The following SLC35D2 variants were observed in gnomAD, a reference collection of about 807,000 sequenced individuals.
SLC35D2 encodes solute carrier family 35 member D2, also known as nucleotide sugar transporter SLC35D2.
Under a neutral mutation model 41.8 loss-of-function variants are expected in SLC35D2, and 43 were observed. The observed-to-expected ratio is 1.03, with a 90% CI of 0.81 to 1.33. SLC35D2 has a LOEUF of 1.33. Among genes scored for constraint, SLC35D2 ranks in the 40% most tolerant of loss-of-function variants. The probability of loss-of-function intolerance (pLI) is 0.00; values close to 1 mark genes in which losing one functional copy is unlikely to be tolerated. For synonymous variants in SLC35D2, 150 were observed against 163.9 expected (o/e 0.92, Z 0.65); for missense variants, 380 against 408.4 (o/e 0.93, Z 0.60).
At chr9:96,370,372 C>A (rs571643414) in intron 1 of SLC35D2, among the ~76,000 whole-genome samples, 1 of 152,136 alleles carries the variant, frequency 6.6e-6, no homozygotes, top group Non-Finnish European at 1.5e-5. Context: ...AAAAGGGTCA[C>A]CCGGCTAGGA....
At chr9:96,350,347 CTTTTTTTTTT>C (rs57531044) in intron 6 of SLC35D2, among the ~76,000 whole-genome samples, 3 of 91,008 alleles carry the variant, frequency 3.3e-5, no homozygotes, top group Admixed American at 1.1e-4. Flanking sequence ...ATTTTCTTTC[CTTTTTTTTTT>C]TTTTTTTTTT....
intron 10 of SLC35D2, 40 bp downstream of exon 10, chr9:96,324,051 C>G: frequency 6.4e-7 from 1 of 1,553,102 alleles, no homozygotes; most frequent in Non-Finnish European, 8.9e-7. Flanking sequence ...ATTTCCATTC[C>G]TTGACTCAGT....
chr9:96,319,765 G>A (rs140559000), downstream of SLC35D2, among the ~76,000 whole-genome samples: 1,036 of 152,300 alleles, frequency 6.8e-3, 16 homozygotes, highest in African/African-American at 0.023. Context: ...CTCCCAAAGT[G>A]TTGGGATTAC....
chr9:96,328,778 A>G (rs1464199835), intron 9 of SLC35D2, among the ~76,000 whole-genome samples: 1 of 152,120 alleles, frequency 6.6e-6, no homozygotes, highest in East Asian at 1.9e-4. Flanking sequence ...TCCACCATCC[A>G]CAATGGTACC....
At chr9:96,330,610 A>G (rs1004299375) in intron 9 of SLC35D2, among the ~76,000 whole-genome samples, 4 of 152,138 alleles carry the variant, frequency 2.6e-5, no homozygotes, top group Non-Finnish European at 4.4e-5. Flanking sequence ...CTACTCTTTC[A>G]GGATTATAAT....
At chr9:96,324,000 C>A (rs72621424) in intron 10 of SLC35D2, 91 bp downstream of exon 10, 167,218 of 1,129,272 alleles carry the variant, frequency 0.15, 14,828 homozygotes, top group Admixed American at 0.29. Flanking sequence ...TACACCACCA[C>A]CAACAACAAA....
chr9:96,335,778 G>A (rs1040654511), intron 9 of SLC35D2, among the ~76,000 whole-genome samples: 4 of 152,114 alleles, frequency 2.6e-5, no homozygotes, highest in African/African-American at 9.7e-5. Context: ...ACGGGGCCAG[G>A]CGCGGTGGCT....
chr9:96,378,681 G>A (rs1371456495), intron 1 of SLC35D2, among the ~76,000 whole-genome samples: 1 of 151,964 alleles, frequency 6.6e-6, no homozygotes, highest in African/African-American at 2.4e-5. Context: ...TGAGGCAGGA[G>A]GATCACTTGA....
intron 2 of SLC35D2, 81 bp from the exon 3 acceptor site, chr9:96,364,631 C>T: frequency 1.2e-6 from 1 of 800,616 alleles, no homozygotes; most frequent in Non-Finnish European, 2.1e-6. Flanking sequence ...CAAAAGAAAA[C>T]ACATTCATCA....
chr9:96,343,265 C>T (rs1829421497), intron 8 of SLC35D2, among the ~76,000 whole-genome samples: 1 of 152,202 alleles, frequency 6.6e-6, no homozygotes, highest in Admixed American at 6.5e-5. Context: ...TTTTATTTGT[C>T]TCTCACCAGC....
intron 2 of SLC35D2, among the ~76,000 whole-genome samples, chr9:96,368,066 T>C (rs1271056817): frequency 3.3e-5 from 5 of 152,206 alleles, no homozygotes; most frequent in Non-Finnish European, 5.9e-5. Context: ...AAGCTGTTTT[T>C]CCCATAAATA....
rs530154935 is a variant in SLC35D2 at position 96,374,951 on chromosome 9, A to AT, written c.159-6647dup. 2.6e-3 allele frequency among the ~76,000 whole-genome samples: 388 copies of AT among 150,398 alleles called. 1 individual carries two copies. The highest frequency in any genetic ancestry group is 8.8e-3 in the African/African-American group (362 of 40,990). On this transcript the variant is annotated intron_variant, in intron 1 of 11. Coordinates refer to ENST00000253270, the MANE Select transcript of SLC35D2 (RefSeq NM_007001.3). ...TGTTGCCTCATGTTCATTATAGTAAATTTTTTTTAAATTTTACCCTAATAT... is the reference window on the plus strand; with the variant it reads ...TGTTGCCTCATGTTCATTATAGTAAATTTTTTTTTAAATTTTACCCTAATAT...
At chr9:96,320,683 CAAT>C (rs1471370247), downstream of SLC35D2, 2 of 152,056 alleles carry the variant, frequency 1.3e-5, no homozygotes, top group African/African-American at 2.4e-5. Context: ...TTTCTGCCTC[CAAT>C]AATATCACAT....
At chr9:96,324,215 G>C in intron 9 of SLC35D2, 46 bp from the exon 10 acceptor site, 3 of 1,531,844 alleles carry the variant, frequency 2.0e-6, no homozygotes, top group Non-Finnish European at 2.7e-6. Context: ...CACTACGCTG[G>C]GTAATGACAA....
chr9:96,334,608 A>G (rs1404421813), intron 9 of SLC35D2, among the ~76,000 whole-genome samples: 1 of 152,220 alleles, frequency 6.6e-6, no homozygotes, highest in African/African-American at 2.4e-5. Flanking sequence ...ACTGGACTCC[A>G]GCCTGGGAGA....
intron 9 of SLC35D2, among the ~76,000 whole-genome samples, chr9:96,329,208 T>C (rs1047839043): frequency 1.3e-5 from 2 of 152,006 alleles, no homozygotes; most frequent in African/African-American, 4.8e-5. Flanking sequence ...TATACTTTTA[T>C]ATATATAAAT....
Position 96,343,924 on chromosome 9 carries a change from A to T in SLC35D2, c.664T>A (p.Ser222Thr), listed in dbSNP as rs935725236. ...MIIPTLIISV[S>T]TGDLQQATEF... Reference sequence around the variant, plus strand: ...CTCACCTGTTGCAGGTCTCCAGTGGAGACACTAATAATAAGAGTTGGGATA... The same window carrying T: ...CTCACCTGTTGCAGGTCTCCAGTGGTGACACTAATAATAAGAGTTGGGATA... Residue 222 changes from serine (S) to threonine (T), a missense_variant, in exon 8 of 12, where the codon TCC (serine) becomes ACC (threonine). Ser to Thr is a moderately conservative substitution (Grantham distance 58). Transcript: ENST00000253270. The T allele has an allele frequency of 6.3e-7, 1 of 1,585,576 alleles. No individual in the cohort carries two copies. The highest frequency in any genetic ancestry group is 1.8e-5 in the Admixed American group (1 of 54,288).
At chr9:96,350,324 C>T (rs1297105012) in intron 6 of SLC35D2, among the ~76,000 whole-genome samples, 1 of 148,948 alleles carries the variant, frequency 6.7e-6, no homozygotes, top group Non-Finnish European at 1.5e-5. Flanking sequence ...GCACACACCA[C>T]GACGCCAGGC....
At chr9:96,366,606 C>G (rs1164354046) in intron 2 of SLC35D2, among the ~76,000 whole-genome samples, 2 of 144,112 alleles carry the variant, frequency 1.4e-5, no homozygotes, top group Non-Finnish European at 3.0e-5. Flanking sequence ...ACTGCAACCT[C>G]TGCCTCCCAG....
Sources: gnomAD v4.1 joint callset for allele counts (sites outside exome capture counted in the v4.1 genomes callset) on GRCh38, gnomAD v4.1.1 for gene constraint, MANE v1.5 for transcripts, NCBI Gene and HGNC (gene_info 2026-07-23, HGNC 2026-07-21) for gene names.